The following KHDRBS2 variants were observed in gnomAD, a reference collection of about 807,000 sequenced individuals.
KHDRBS2 encodes KH domain-containing, RNA-binding, signal transduction-associated protein 2.
Under a neutral mutation model 44.3 loss-of-function variants are expected in KHDRBS2, and 26 were observed. The observed-to-expected ratio is 0.59, with a 90% confidence interval of 0.43 to 0.81. The LOEUF is 0.81. KHDRBS2 is among the 40% of genes least tolerant of loss of function. The pLI is 0.00. For missense variants in KHDRBS2, 476 were observed against 433.1 expected, an observed-to-expected ratio of 1.10 and a Z score of -0.88; for synonymous variants, 194 against 151.1, an observed-to-expected ratio of 1.28 and a Z score of -2.08.
intron 6 of KHDRBS2, among the ~76,000 whole-genome samples, chr6:61,834,966 A>ATCT (rs1792422826): frequency 6.6e-6 from 1 of 152,104 alleles, no homozygotes; most frequent in Non-Finnish European, 1.5e-5. Context: ...TCTTTCAAAC[A>ATCT]TTAAATTCCC....
At chr6:61,619,466 T>A in the KHDRBS2 span, among the ~76,000 whole-genome samples, 1 of 144,346 alleles carries the variant, frequency 6.9e-6, no homozygotes, top group East Asian at 2.1e-4. Context: ...TGTTTGTTTG[T>A]TTTTTGAGAT....
At chr6:61,906,007 C>A (rs113438856) in intron 4 of KHDRBS2, among the ~76,000 whole-genome samples, 1 of 151,830 alleles carries the variant, frequency 6.6e-6, no homozygotes, top group East Asian at 1.9e-4. Context: ...ACCACCACGC[C>A]TGGGTAATTT....
intron 6 of KHDRBS2, among the ~76,000 whole-genome samples, chr6:61,843,168 G>C (rs1793847930): frequency 6.6e-6 from 1 of 151,896 alleles, no homozygotes; most frequent in Middle Eastern, 3.2e-3. Context: ...TAGGGATTGG[G>C]GGCGGTGGAG....
rs1208309590 is a variant in KHDRBS2 at position 61,680,676 on chromosome 6, C to T, written c.*287G>A. On this transcript the variant is annotated 3_prime_UTR_variant, in exon 9 of 9. Transcript: ENST00000281156. ...AAAGAAAAAGAAAAAAAAAAGATTA[C>T]ACACAACAATGAAAAACAACCAAGA... The T allele has an allele frequency of 5.2e-6, 1 of 191,152 alleles. No homozygotes were observed. Among genetic ancestry groups the T allele is most frequent in the Admixed American group, 6.2e-5 (1 of 16,132 alleles). The allele number at this position is 191,152 out of a possible 1,614,324, so 11.8% of individuals were successfully genotyped here.
At chr6:61,885,566 TA>T (rs1800823952) in intron 6 of KHDRBS2, among the ~76,000 whole-genome samples, 1 of 152,154 alleles carries the variant, frequency 6.6e-6, no homozygotes, top group South Asian at 2.1e-4. Flanking sequence ...TTCCTGGAAA[TA>T]TTTATACAAC....
At chr6:61,816,108 T>A (rs577360481) in intron 6 of KHDRBS2, among the ~76,000 whole-genome samples, 20 of 152,258 alleles carry the variant, frequency 1.3e-4, no homozygotes, top group Admixed American at 7.9e-4. Context: ...AATAACTAAA[T>A]TTGAGTTAAA....
At chr6:62,053,505 AT>A (rs1789556012) in intron 2 of KHDRBS2, among the ~76,000 whole-genome samples, 1 of 152,022 alleles carries the variant, frequency 6.6e-6, no homozygotes, top group Admixed American at 6.6e-5. Context: ...TAATTTACCC[AT>A]TAACAAATTA....
chr6:62,134,421 C>A (rs913556603), intron 2 of KHDRBS2, among the ~76,000 whole-genome samples: 1 of 152,188 alleles, frequency 6.6e-6, no homozygotes, highest in African/African-American at 2.4e-5. Flanking sequence ...GGTATCCAGG[C>A]AGAAGCTTTC....
chr6:61,986,331 A>G (rs1453543851), intron 3 of KHDRBS2, among the ~76,000 whole-genome samples: 1 of 152,210 alleles, frequency 6.6e-6, no homozygotes, highest in Non-Finnish European at 1.5e-5. Flanking sequence ...TGCCAAAGCC[A>G]CACTTTTATG....
intron 3 of KHDRBS2, among the ~76,000 whole-genome samples, chr6:61,986,220 C>T (rs1243883161): frequency 6.6e-6 from 1 of 152,152 alleles, no homozygotes; most frequent in Non-Finnish European, 1.5e-5. Flanking sequence ...GCCTGGCATA[C>T]TATAAACACT....
the KHDRBS2 span, among the ~76,000 whole-genome samples, chr6:61,661,582 A>G: frequency 1.3e-5 from 2 of 151,912 alleles, no homozygotes; most frequent in African/African-American, 4.8e-5. Flanking sequence ...TTTCACTTTC[A>G]GCAGTGTCCT....
chr6:62,169,851 C>T (rs1428423151), intron 2 of KHDRBS2, among the ~76,000 whole-genome samples: 9 of 151,954 alleles, frequency 5.9e-5, no homozygotes, highest in Non-Finnish European at 1.0e-4. Flanking sequence ...ACAGCCCTGA[C>T]GGAAGCCACA....
At chr6:61,929,746 A>G (rs1809663612) in intron 4 of KHDRBS2, among the ~76,000 whole-genome samples, 2 of 152,176 alleles carry the variant, frequency 1.3e-5, no homozygotes, top group Admixed American at 6.5e-5. Flanking sequence ...AAAAAGCTAA[A>G]AAGAGATATT....
At chr6:61,622,434 T>A in the KHDRBS2 span, among the ~76,000 whole-genome samples, 2 of 152,126 alleles carry the variant, frequency 1.3e-5, no homozygotes, top group African/African-American at 4.8e-5. Context: ...ACTGCAAAAA[T>A]TCATTAACAT....
At chr6:61,969,665 AAGAAC>A (rs1770899122) in intron 4 of KHDRBS2, among the ~76,000 whole-genome samples, 1 of 152,024 alleles carries the variant, frequency 6.6e-6, no homozygotes, top group Non-Finnish European at 1.5e-5. Context: ...ATAAAAAGAA[AAGAAC>A]AGAAGAGGAT....
chr6:62,019,927 C>T (rs1475027750), intron 3 of KHDRBS2, among the ~76,000 whole-genome samples: 4 of 151,320 alleles, frequency 2.6e-5, no homozygotes, highest in Non-Finnish European at 5.9e-5. Flanking sequence ...TATTTATGTT[C>T]AATCTGATCT....
At chr6:62,280,661 C>T (rs1371918285) in intron 1 of KHDRBS2, among the ~76,000 whole-genome samples, 3 of 152,082 alleles carry the variant, frequency 2.0e-5, no homozygotes, top group Admixed American at 2.0e-4. Context: ...CAAGGAAGGA[C>T]AAATGTCAAG....
In KHDRBS2 at chr6:61,782,738, T is replaced by TAC. The variant is rs1400123799; in HGVS notation, c.811-49976_811-49975dup. Among the ~76,000 whole-genome samples the TAC allele has an allele frequency of 5.9e-4, 69 of 117,850 alleles. 1 individual carries two copies. Among genetic ancestry groups the TAC allele is most frequent in the African/African-American group, 9.8e-4 (33 of 33,836 alleles). The allele number at this position is 117,850 out of a possible 152,430, so 77.3% of individuals were successfully genotyped here. A position where few individuals can be genotyped will look rare whatever the true frequency, so the allele number is the denominator to read the frequency against. On this transcript the variant is annotated intron_variant, in intron 6 of 8. Transcript: ENST00000281156. The stretch of plus-strand genomic sequence containing the variant: ...ATATATATATATATATATATATATA[T>TAC]ACACACACACATATACATATACATA...
At chr6:61,688,438 T>C (rs1050526133) in intron 8 of KHDRBS2, among the ~76,000 whole-genome samples, 2 of 151,860 alleles carry the variant, frequency 1.3e-5, no homozygotes, top group Non-Finnish European at 2.9e-5. Flanking sequence ...GAGTTTATAA[T>C]ATGAGGAATA....
Sources: gnomAD v4.1 joint callset for allele counts (sites outside exome capture counted in the v4.1 genomes callset) on GRCh38, gnomAD v4.1.1 for gene constraint, MANE v1.5 for transcripts, NCBI Gene and HGNC (gene_info 2026-07-23, HGNC 2026-07-21) for gene names.